Variants in XPNPEP3 observed in about 807,000 individuals in gnomAD.
The protein encoded by XPNPEP3 is xaa-Pro aminopeptidase 3.
Under a neutral mutation model 60.0 loss-of-function variants are expected in XPNPEP3, and 41 were observed. The observed-to-expected ratio is 0.68, with a 90% CI of 0.53 to 0.89. The LOEUF is 0.89. Ranked by LOEUF, XPNPEP3 falls within the 40% of genes least tolerant of loss-of-function variation. The probability of loss-of-function intolerance (pLI) is 0.00; values close to 1 mark genes in which losing one functional copy is unlikely to be tolerated. For missense variants in XPNPEP3, 598 were observed against 638.9 expected (o/e 0.94, Z 0.69); for synonymous variants, 212 against 223.2 (o/e 0.95, Z 0.45).
Position 40,882,177 on chromosome 22 carries a change from G to A in XPNPEP3, c.589G>A (p.Ala197Thr), listed in dbSNP as rs1414404380. 1.9e-6 allele frequency: 3 copies of A among 1,614,024 alleles called. No individual in the cohort carries two copies. The highest frequency in any genetic ancestry group is 2.5e-6 in the Non-Finnish European group (3 of 1,180,026). The part of the protein sequence containing the change: ...EFQHLLPKMK[A>T]ETNMVWYDWM... The stretch of plus-strand genomic sequence containing the variant: ...TCAACATCTTCTACCAAAAATGAAA[G>A]GTAACAAATGGGAGCAGAAGTCACA... The change falls in exon 3 of 10, where the codon GCT becomes ACT. Residue 197 changes from alanine (A) to threonine (T), a missense_variant and splice_region_variant. Ala to Thr is a moderately conservative substitution (Grantham distance 58). Transcript: ENST00000357137.
At chr22:40,876,244 A>G (rs2058027448) in intron 2 of XPNPEP3, among the ~76,000 whole-genome samples, 1 of 152,180 alleles carries the variant, frequency 6.6e-6, no homozygotes, top group Admixed American at 6.5e-5. Context: ...TCTTCTATGT[A>G]AATAATTATT....
At chr22:40,901,106 G>A (rs2058130656) in intron 4 of XPNPEP3, among the ~76,000 whole-genome samples, 1 of 150,470 alleles carries the variant, frequency 6.6e-6, no homozygotes, top group Admixed American at 6.7e-5. Flanking sequence ...TAAAAAAAAA[G>A]AATTTAAAAT....
At chr22:40,862,028 G>T in intron 1 of XPNPEP3, 3 of 1,548,678 alleles carry the variant, frequency 1.9e-6, no homozygotes, top group Non-Finnish European at 2.6e-6. Context: ...GGTGTGCTGG[G>T]TATTGAGAAC....
chr22:40,899,966 G>A (rs2058125353), intron 4 of XPNPEP3, among the ~76,000 whole-genome samples: 1 of 152,038 alleles, frequency 6.6e-6, no homozygotes, highest in South Asian at 2.1e-4. Context: ...CTGCACTGTG[G>A]TGATAGGAGA....
chr22:40,898,225 A>ATTTTTTTTTTTTTT lies in XPNPEP3; in HGVS notation c.793-9336_793-9323dup, dbSNP rs71200626. On this transcript the variant is annotated intron_variant, in intron 4 of 9. Coordinates refer to ENST00000357137, the MANE Select transcript of XPNPEP3 (RefSeq NM_022098.4). ...TGTTTTATGTTTAGGTCTTTGACCCATTTTTTTTTTTTTTTTTTTTTTTTT... is the reference window on the plus strand; with the variant it reads ...TGTTTTATGTTTAGGTCTTTGACCCATTTTTTTTTTTTTTTTTTTTTTTTTTTTTTTTTTTTTTT... Among the ~76,000 whole-genome samples, 4 of 28,784 alleles carry ATTTTTTTTTTTTTT rather than the reference A, an allele frequency of 1.4e-4. 1 individual carries two copies. The highest frequency in any genetic ancestry group is 1.2e-4 in the Non-Finnish European group (2 of 16,234). The allele number at this position is 28,784 out of a possible 152,430, so 18.9% of individuals were successfully genotyped here.
In XPNPEP3 at chr22:40,924,437, C is replaced by T. The variant is rs374335250; in HGVS notation, c.1312C>T (p.Arg438Cys). 3.5e-5 allele frequency: 57 copies of T among 1,614,058 alleles called. No homozygotes were observed. Among genetic ancestry groups the T allele is most frequent in the African/African-American group, 8.0e-5 (6 of 74,918 alleles). The change falls in exon 9 of 10, where the codon CGT becomes TGT. Residue 438 changes from arginine to cysteine, a missense_variant. Arg to Cys is a radical substitution (Grantham distance 180, BLOSUM62 -3). Coordinates refer to ENST00000357137, the MANE Select transcript of XPNPEP3 (RefSeq NM_022098.4). ...MDVHDTPDMP[R>C]SLPLQPGMVI... ...TGTCCATGACACTCCAGACATGCCC[C>T]GTTCCCTCCCTCTGCAGCCTGGGAT...
At chr22:40,900,810 G>A (rs2058129197) in intron 4 of XPNPEP3, among the ~76,000 whole-genome samples, 1 of 151,894 alleles carries the variant, frequency 6.6e-6, no homozygotes, top group Non-Finnish European at 1.5e-5. Flanking sequence ...GCATGTTCCT[G>A]TAATTTCAGC....
chr22:40,878,694 C>T (rs2058036636), intron 2 of XPNPEP3, among the ~76,000 whole-genome samples: 1 of 151,500 alleles, frequency 6.6e-6, no homozygotes, highest in Non-Finnish European at 1.5e-5. Flanking sequence ...TTAAGCAATT[C>T]TCCTGCCTCA....
Position 40,922,359 on chromosome 22 carries a change from A to G in XPNPEP3, c.1082A>G (p.Tyr361Cys), listed in dbSNP as rs763457661. Residue 361 changes from tyrosine to cysteine, a missense_variant, in exon 8 of 10, where the codon TAT becomes TGT. Coordinates refer to ENST00000357137, the MANE Select transcript of XPNPEP3 (RefSeq NM_022098.4). ...GRFTAPQAEL[Y>C]EAVLEIQRDC... ...TTCACCGCACCTCAGGCAGAACTCTATGAAGCCGTTCTAGAGATCCAAAGA... is the reference window on the plus strand; with the variant it reads ...TTCACCGCACCTCAGGCAGAACTCTGTGAAGCCGTTCTAGAGATCCAAAGA... 6.8e-6 allele frequency: 11 copies of G among 1,613,898 alleles called. No homozygotes were observed. The highest frequency in any genetic ancestry group is 5.0e-5 in the Admixed American group (3 of 59,980).
chr22:40,861,130 C>T (rs376934804), intron 1 of XPNPEP3: 4 of 1,613,348 alleles, frequency 2.5e-6, no homozygotes, highest in Non-Finnish European at 3.4e-6. Context: ...CTCTTACCAC[C>T]CTCTTTGACT....
chr22:40,902,268 T>TTTTGG (rs2058136753), intron 4 of XPNPEP3, among the ~76,000 whole-genome samples: 1 of 118,128 alleles, frequency 8.5e-6, no homozygotes, highest in African/African-American at 2.8e-5. Flanking sequence ...TTTTTTTTTT[T>TTTTGG]GAGGTGGAGT....
intron 1 of XPNPEP3, chr22:40,860,713 C>T (rs1428610002): frequency 5.0e-6 from 5 of 998,918 alleles, no homozygotes; most frequent in Non-Finnish European, 4.4e-6. Flanking sequence ...AGTGCAGTGG[C>T]GTGATCCCAT....
Position 40,860,708 on chromosome 22 carries a change from A to G in XPNPEP3, c.64+3463A>G, listed in dbSNP as rs115161413. The G allele has an allele frequency of 1.1e-3, 1,115 of 1,042,602 alleles. 5 individuals carry two copies. The African/African-American group carries it at 0.015, about 14-fold the overall frequency. The allele number at this position is 1,042,602 out of a possible 1,614,324, so 64.6% of individuals were successfully genotyped here. On this transcript the variant is annotated intron_variant, in intron 1 of 9. Coordinates refer to ENST00000357137, the MANE Select transcript of XPNPEP3 (RefSeq NM_022098.4). Reference sequence around the variant, plus strand: ...TACTTTGTCACCCAAGCTGGAGTGCAGTGGCGTGATCCCATTACACTGCAA... The same window carrying G: ...TACTTTGTCACCCAAGCTGGAGTGCGGTGGCGTGATCCCATTACACTGCAA...
chr22:40,895,375 G>A (rs532521314), intron 4 of XPNPEP3, among the ~76,000 whole-genome samples: 81 of 149,978 alleles, frequency 5.4e-4, no homozygotes, highest in Admixed American at 5.2e-3. Flanking sequence ...TTGATCTGTC[G>A]CCCAGGCTGG....
chr22:40,872,769 G>T (rs1397450758), intron 2 of XPNPEP3, among the ~76,000 whole-genome samples: 2 of 151,960 alleles, frequency 1.3e-5, no homozygotes, highest in Non-Finnish European at 2.9e-5. Flanking sequence ...AGATTGTACA[G>T]ATTATATTAT....
intron 1 of XPNPEP3, among the ~76,000 whole-genome samples, chr22:40,858,774 C>T (rs960089609): frequency 1.3e-5 from 2 of 152,082 alleles, no homozygotes; most frequent in Non-Finnish European, 2.9e-5. Context: ...TCGTGATCCA[C>T]CCGCCTCGGC....
chr22:40,899,463 C>A (rs1451639290), intron 4 of XPNPEP3, among the ~76,000 whole-genome samples: 3 of 152,098 alleles, frequency 2.0e-5, no homozygotes, highest in Non-Finnish European at 4.4e-5. Flanking sequence ...CCATATCAAA[C>A]CAAGGATGAA....
Position 40,930,258 on chromosome 22 carries a change from T to C in XPNPEP3, c.*3823T>C, listed in dbSNP as rs2058250168. ...AATTCTTCTGCCTCAGCCTCCTGAG[T>C]AGCTGGGACTACAGGCGCGTGCCAC... On this transcript the variant is annotated 3_prime_UTR_variant, in exon 10 of 10. Transcript: ENST00000357137. 6.6e-6 allele frequency: 1 copy of C among 151,574 alleles called. No homozygotes were observed. The highest frequency in any genetic ancestry group is 1.5e-5 in the Non-Finnish European group (1 of 67,984). 9.4% of individuals were successfully genotyped at this position (151,574 alleles called of 1,614,324 possible).
intron 4 of XPNPEP3, among the ~76,000 whole-genome samples, chr22:40,897,658 A>G (rs565694996): frequency 3.3e-5 from 5 of 152,222 alleles, no homozygotes; most frequent in Admixed American, 3.3e-4. Flanking sequence ...AGAAACCACC[A>G]TATAGTTTTC....
Sources: allele counts gnomAD v4.1 joint callset (sites outside exome capture counted in the v4.1 genomes callset), GRCh38; gene constraint gnomAD v4.1.1; transcripts MANE v1.5; gene names NCBI Gene and HGNC (gene_info 2026-07-23, HGNC 2026-07-21).